SORCS3: variants seen among roughly 807,000 people sequenced by gnomAD.
SORCS3 encodes the protein sortilin related VPS10 domain containing receptor 3.
Under a neutral mutation model 146.3 loss-of-function variants are expected in SORCS3, and 57 were observed. That is an observed-to-expected ratio of 0.39 (90% CI 0.31 to 0.49). The LOEUF (loss-of-function observed/expected upper bound fraction) is 0.49, where lower values mean the gene tolerates loss of function less well. Among genes scored for constraint, SORCS3 ranks in the 20% least tolerant of loss-of-function variants. SORCS3 has a pLI of 0.92. For missense variants in SORCS3, 1,341 were observed against 1,575.5 expected (o/e 0.85, Z 2.52); for synonymous variants, 653 against 618.5 (o/e 1.06, Z -0.83).
intron 4 of SORCS3, among the ~76,000 whole-genome samples, chr10:104,993,998 A>G (rs1449098805): frequency 1.3e-5 from 2 of 152,216 alleles, no homozygotes; most frequent in Non-Finnish European, 2.9e-5. Flanking sequence ...AGGAAAATGA[A>G]GAAAAGAAGC....
chr10:104,805,324 A>G (rs1468292657), intron 1 of SORCS3, among the ~76,000 whole-genome samples: 1 of 152,252 alleles, frequency 6.6e-6, no homozygotes, highest in East Asian at 1.9e-4. Context: ...TAGCTTGACT[A>G]ATTTTGAGAG....
intron 2 of SORCS3, among the ~76,000 whole-genome samples, chr10:104,849,485 C>T (rs1442207922): frequency 6.7e-6 from 1 of 149,954 alleles, no homozygotes; most frequent in African/African-American, 2.5e-5. Context: ...CCTAGAAACA[C>T]CTGGTGACAG....
intron 1 of SORCS3, among the ~76,000 whole-genome samples, chr10:104,778,920 G>T (rs2017342211): frequency 6.6e-6 from 1 of 150,922 alleles, no homozygotes; most frequent in East Asian, 1.9e-4. Flanking sequence ...ACCCTATGTG[G>T]CAAAAGGGAC....
At chr10:105,098,730 G>T (rs946393118) in intron 6 of SORCS3, among the ~76,000 whole-genome samples, 1 of 152,186 alleles carries the variant, frequency 6.6e-6, no homozygotes, top group African/African-American at 2.4e-5. Context: ...AAACAACACA[G>T]AATGAGCAGT....
At chr10:105,074,579 C>G (rs1310219006) in intron 5 of SORCS3, among the ~76,000 whole-genome samples, 1 of 152,178 alleles carries the variant, frequency 6.6e-6, no homozygotes, top group African/African-American at 2.4e-5. Context: ...GTGCACAAAT[C>G]TCTAGCTATC....
chr10:104,979,047 A>T (rs1004632644), intron 4 of SORCS3, among the ~76,000 whole-genome samples: 5 of 152,168 alleles, frequency 3.3e-5, no homozygotes, highest in Non-Finnish European at 7.3e-5. Flanking sequence ...ATCCAGCATC[A>T]CTTCCTCAGG....
At chr10:105,169,994 G>A (rs2056346327) in intron 13 of SORCS3, among the ~76,000 whole-genome samples, 1 of 152,022 alleles carries the variant, frequency 6.6e-6, no homozygotes, top group African/African-American at 2.4e-5. Context: ...ATTGTGGTAG[G>A]GACCTAGCAT....
At position 104,782,140 on chromosome 10, in the gene SORCS3, C is replaced by T. The variant is rs2017380921; in HGVS notation, c.628-60652C>T. On this transcript the variant is annotated intron_variant, in intron 1 of 26. Transcript: ENST00000369701. ...TTGTGTGCATGGATCATTTGTATTA[C>T]CGGTTCTAAGGCAGCATTATTATTT... Among the ~76,000 whole-genome samples, 3 of 152,194 alleles carry T rather than the reference C, an allele frequency of 2.0e-5. No homozygotes were observed. In the South Asian group the frequency reaches 6.2e-4, roughly 32 times the overall value.
At chr10:104,854,498 G>C (rs941318680) in intron 2 of SORCS3, among the ~76,000 whole-genome samples, 3 of 152,156 alleles carry the variant, frequency 2.0e-5, no homozygotes, top group Admixed American at 6.5e-5. Context: ...ATTTTGCAAA[G>C]CTACAATATA....
chr10:105,022,113 G>T (rs1291702938), intron 4 of SORCS3, among the ~76,000 whole-genome samples: 1 of 152,092 alleles, frequency 6.6e-6, no homozygotes, highest in East Asian at 1.9e-4. Context: ...TTATAGTACA[G>T]TGGCGACTAC....
At chr10:104,860,645 C>G (rs1173700070) in intron 2 of SORCS3, among the ~76,000 whole-genome samples, 1 of 152,040 alleles carries the variant, frequency 6.6e-6, no homozygotes, top group Non-Finnish European at 1.5e-5. Flanking sequence ...TTACACTTAC[C>G]AAGTACCATG....
At chr10:104,913,275 C>G (rs867916236) in intron 2 of SORCS3, among the ~76,000 whole-genome samples, 2 of 151,886 alleles carry the variant, frequency 1.3e-5, no homozygotes, top group Non-Finnish European at 2.9e-5. Context: ...ATTGGGGGAT[C>G]GTTGAAACAT....
At chr10:104,764,971 T>TCTGCCATCACA (rs2017162640) in intron 1 of SORCS3, among the ~76,000 whole-genome samples, 1 of 152,184 alleles carries the variant, frequency 6.6e-6, no homozygotes, top group Non-Finnish European at 1.5e-5. Flanking sequence ...ATGAGTGCTG[T>TCTGCCATCACA]GATGGATCAG....
intron 1 of SORCS3, among the ~76,000 whole-genome samples, chr10:104,711,034 G>A (rs968781068): frequency 6.6e-6 from 1 of 152,054 alleles, no homozygotes; most frequent in Non-Finnish European, 1.5e-5. Context: ...GAGATGAGGT[G>A]GAACCACTTT....
chr10:104,859,200 C>T (rs1373244140), intron 2 of SORCS3, among the ~76,000 whole-genome samples: 1 of 152,086 alleles, frequency 6.6e-6, no homozygotes, highest in African/African-American at 2.4e-5. Context: ...AAGAATGTGT[C>T]TCTCCTGCTG....
At position 105,245,595 on chromosome 10, in the gene SORCS3, C is replaced by T. The variant is rs752215487; in HGVS notation, c.2922C>T (p.Thr974=). ...SISFTFLAEG[T]DTITVQVAAG... is the part of the protein sequence containing the mutation. The stretch of plus-strand genomic sequence containing the variant: ...CCTTCACATTCCTTGCAGAAGGAAC[C>T]GACACCATCACAGTCCAGGTGGCTG... The change falls in exon 21 of 27, where the codon ACC becomes ACT. Residue 974 remains threonine, a synonymous_variant. Coordinates refer to ENST00000369701, the MANE Select transcript of SORCS3 (RefSeq NM_014978.3). 1.2e-5 allele frequency: 19 copies of T among 1,613,976 alleles called. No individual in the cohort carries two copies. In the Middle Eastern group the frequency reaches 4.9e-4, roughly 42 times the overall value.
chr10:104,756,785 C>G (rs1462412050), intron 1 of SORCS3, among the ~76,000 whole-genome samples: 1 of 152,208 alleles, frequency 6.6e-6, no homozygotes, highest in African/African-American at 2.4e-5. Flanking sequence ...TAGTACCTCT[C>G]TTTAGAAGTT....
At chr10:105,136,323 G>A (rs1347773696) in intron 7 of SORCS3, among the ~76,000 whole-genome samples, 1 of 152,162 alleles carries the variant, frequency 6.6e-6, no homozygotes, top group African/African-American at 2.4e-5. Context: ...AAGAGGGTTA[G>A]CTAATTTTCT....
intron 5 of SORCS3, among the ~76,000 whole-genome samples, chr10:105,054,626 G>T (rs1348714352): frequency 6.7e-6 from 1 of 150,032 alleles, no homozygotes; most frequent in African/African-American, 2.5e-5. Context: ...TTAATTCTGT[G>T]CCCATATTTT....
Sources: allele counts gnomAD v4.1 joint callset (sites outside exome capture counted in the v4.1 genomes callset), GRCh38; gene constraint gnomAD v4.1.1; transcripts MANE v1.5; gene names NCBI Gene and HGNC (gene_info 2026-07-23, HGNC 2026-07-21).